The following SCN2A variants were observed in gnomAD, a reference collection of about 807,000 sequenced individuals.
The protein encoded by SCN2A is sodium channel protein type 2 subunit alpha.
Under a neutral mutation model 188.7 loss-of-function variants are expected in SCN2A, and 20 were observed. That is an observed-to-expected ratio of 0.11 (90% confidence interval 0.07 to 0.15). The LOEUF (loss-of-function observed/expected upper bound fraction) is 0.15. SCN2A is among the 10% of genes least tolerant of loss of function. The pLI is 1.00. For missense variants in SCN2A, 1,278 were observed against 2,445.0 expected, an observed-to-expected ratio of 0.52 and a Z score of 10.07; for synonymous variants, 804 against 833.1, an observed-to-expected ratio of 0.97 and a Z score of 0.60.
chr2:165,360,692 G>A lies in SCN2A; in HGVS notation c.3400-4451G>A, dbSNP rs528515190. On this transcript the variant is annotated intron_variant, in intron 17 of 26. Transcript: ENST00000375437. ...TAAATTTTAACTAGGCAAGGGCTAT[G>A]CTACAAACATCAGTTAGTCCGCTAG... 1.1e-4 allele frequency among the ~76,000 whole-genome samples: 17 copies of A among 151,954 alleles called. No individual in the cohort carries two copies. In the South Asian group the frequency reaches 3.5e-3, roughly 32 times the overall value.
intron 3 of SCN2A, among the ~76,000 whole-genome samples, chr2:165,306,152 C>T (rs1697116976): frequency 6.6e-6 from 1 of 152,046 alleles, no homozygotes; most frequent in African/African-American, 2.4e-5. Flanking sequence ...GCTGTCTCTT[C>T]TCTGTAAAGT....
In SCN2A at chr2:165,334,191, T is replaced by C. The variant is rs372870385; in HGVS notation, c.2388+2623T>C. Among the ~76,000 whole-genome samples the C allele has an allele frequency of 2.6e-5, 4 of 151,686 alleles. No homozygotes were observed. In the East Asian group the frequency reaches 7.7e-4, roughly 29 times the overall value. On this transcript the variant is annotated intron_variant, in intron 14 of 26. Coordinates refer to ENST00000375437, the MANE Select transcript of SCN2A (RefSeq NM_001040142.2). ...TATCACTGGTGAATTTTGCCAAATGTTCAATGGAGCGTTAACATCAATCCT... is the reference window on the plus strand; with the variant it reads ...TATCACTGGTGAATTTTGCCAAATGCTCAATGGAGCGTTAACATCAATCCT...
chr2:165,284,166 A>C (rs1695722009), intron 1 of SCN2A, among the ~76,000 whole-genome samples: 1 of 151,166 alleles, frequency 6.6e-6, no homozygotes, highest in South Asian at 2.1e-4. Flanking sequence ...TTATTATTTA[A>C]TTTATTTATT....
At chr2:165,291,525 TTTCC>T (rs369490510) in intron 1 of SCN2A, among the ~76,000 whole-genome samples, 8,324 of 58,598 alleles carry the variant, frequency 0.14, 995 homozygotes, top group Middle Eastern at 0.22. Flanking sequence ...CTCTCCTTTC[TTTCC>T]TTCCTTCCTT....
chr2:165,380,395 C>A lies in SCN2A; in HGVS notation c.4309-197C>A, dbSNP rs372262247. On this transcript the variant is annotated intron_variant, in intron 23 of 26. Transcript: ENST00000375437. ...CATTCAGACTTCTATATGGTTATTTCATTTTCCCAGGTAATGAATAGTCTT... is the reference window on the plus strand; with the variant it reads ...CATTCAGACTTCTATATGGTTATTTAATTTTCCCAGGTAATGAATAGTCTT... 2.9e-4 allele frequency among the ~76,000 whole-genome samples: 44 copies of A among 151,864 alleles called. 6 individuals carry two copies. The highest frequency in any genetic ancestry group is 2.1e-3 in the Admixed American group (32 of 15,212).
At chr2:165,349,374 G>GT (rs1194897211) in intron 16 of SCN2A, among the ~76,000 whole-genome samples, 3 of 152,176 alleles carry the variant, frequency 2.0e-5, no homozygotes, top group African/African-American at 7.2e-5. Context: ...TATCAGGAAA[G>GT]TGACAGTGAA....
chr2:165,342,289 C>A lies in SCN2A; in HGVS notation c.2389-7C>A. On this transcript the variant is annotated splice_polypyrimidine_tract_variant and splice_region_variant and intron_variant, in intron 14 of 26. Transcript: ENST00000375437. ...TGCTCATATAATGAACTACACTTCT[C>A]ATTTAGGTCTTCACAGGGATCTTCA... The A allele has an allele frequency of 6.2e-6, 10 of 1,612,428 alleles. No homozygotes were observed. The highest frequency in any genetic ancestry group is 7.6e-6 in the Non-Finnish European group (9 of 1,178,732).
chr2:165,318,556 T>G (rs1441889496), intron 11 of SCN2A, among the ~76,000 whole-genome samples: 1 of 152,208 alleles, frequency 6.6e-6, no homozygotes. Context: ...TGCTAACGGA[T>G]GGGGCACAAT....
At chr2:165,347,866 T>C (rs1699683728) in intron 16 of SCN2A, among the ~76,000 whole-genome samples, 1 of 152,086 alleles carries the variant, frequency 6.6e-6, no homozygotes, top group Non-Finnish European at 1.5e-5. Context: ...TTAACTGAGA[T>C]GTAAGATTTA....
At chr2:165,325,180 G>T (rs1161005767) in intron 12 of SCN2A, among the ~76,000 whole-genome samples, 1 of 152,168 alleles carries the variant, frequency 6.6e-6, no homozygotes, top group South Asian at 2.1e-4. Context: ...CTGTCAGTCT[G>T]TCAGAAATTA....
intron 22 of SCN2A, among the ~76,000 whole-genome samples, chr2:165,376,738 GTAGA>G (rs976545249): frequency 1.3e-5 from 2 of 152,014 alleles, no homozygotes; most frequent in African/African-American, 4.8e-5. Flanking sequence ...ACGCGTGTGT[GTAGA>G]TAGAGAAAGA....
chr2:165,362,125 G>A (rs1001958543), intron 17 of SCN2A, among the ~76,000 whole-genome samples: 1 of 151,962 alleles, frequency 6.6e-6, no homozygotes, highest in African/African-American at 2.4e-5. Context: ...CAAGGGTGAC[G>A]AAAACATGAT....
At chr2:165,260,083 A>G (rs1292866306) in intron 1 of SCN2A, among the ~76,000 whole-genome samples, 1 of 151,828 alleles carries the variant, frequency 6.6e-6, no homozygotes, top group Non-Finnish European at 1.5e-5. Context: ...AGCTGGGACT[A>G]CAGGCGCCCG....
intron 23 of SCN2A, among the ~76,000 whole-genome samples, chr2:165,378,528 C>A (rs900604686): frequency 1.3e-5 from 2 of 151,638 alleles, no homozygotes; most frequent in African/African-American, 4.8e-5. Context: ...AAATGACAAC[C>A]TTATTGTATA....
chr2:165,383,513 T>C (rs1006694278), intron 25 of SCN2A, among the ~76,000 whole-genome samples: 4 of 152,132 alleles, frequency 2.6e-5, no homozygotes, highest in Non-Finnish European at 5.9e-5. Flanking sequence ...GGAGTAGTTT[T>C]CATCCTAAGA....
At chr2:165,244,664 C>T (rs1410991424) in intron 1 of SCN2A, among the ~76,000 whole-genome samples, 1 of 152,058 alleles carries the variant, frequency 6.6e-6, no homozygotes, top group African/African-American at 2.4e-5. Context: ...TTTGTACTTA[C>T]TAAAATAACA....
intron 1 of SCN2A, among the ~76,000 whole-genome samples, chr2:165,253,984 T>C (rs1694205352): frequency 6.6e-6 from 1 of 151,916 alleles, no homozygotes; most frequent in Admixed American, 6.6e-5. Flanking sequence ...TCCTGGAAAA[T>C]ATTAATAGTG....
intron 17 of SCN2A, among the ~76,000 whole-genome samples, chr2:165,358,636 T>G (rs1700297812): frequency 6.6e-6 from 1 of 152,042 alleles, no homozygotes; most frequent in Non-Finnish European, 1.5e-5. Context: ...GATGGTATGC[T>G]CCTTCTAAAA....
At chr2:165,259,510 C>T (rs1483342034) in intron 1 of SCN2A, among the ~76,000 whole-genome samples, 1 of 152,190 alleles carries the variant, frequency 6.6e-6, no homozygotes, top group Non-Finnish European at 1.5e-5. Flanking sequence ...TATTCTAAAT[C>T]CTTTGTTATC....
Sources: gnomAD v4.1 joint callset for allele counts (sites outside exome capture counted in the v4.1 genomes callset) on GRCh38, gnomAD v4.1.1 for gene constraint, MANE v1.5 for transcripts, NCBI Gene and HGNC (gene_info 2026-07-23, HGNC 2026-07-21) for gene names.